MS4A12: variants seen among roughly 807,000 people sequenced by gnomAD.
MS4A12 encodes membrane spanning 4-domains A12.
Under a neutral mutation model 23.7 loss-of-function variants are expected in MS4A12, and 28 were observed. That is an observed-to-expected ratio of 1.18 (90% CI 0.88 to 1.62). MS4A12 has a LOEUF of 1.62. Ranked by LOEUF, MS4A12 falls within the 40% of genes most tolerant of loss-of-function variation. MS4A12 has a pLI of 0.00. For missense variants in MS4A12, 342 were observed against 327.0 expected, an observed-to-expected ratio of 1.05 and a Z score of -0.35; for synonymous variants, 108 against 110.1, an observed-to-expected ratio of 0.98 and a Z score of 0.12.
intron 2 of MS4A12, among the ~76,000 whole-genome samples, chr11:60,499,844 A>G (rs2086516599): frequency 6.6e-6 from 1 of 152,224 alleles, no homozygotes. Context: ...TCAGAAATCT[A>G]TCTTTATTTA....
At chr11:60,496,139 T>A (rs554050009) in intron 1 of MS4A12, among the ~76,000 whole-genome samples, 3 of 152,210 alleles carry the variant, frequency 2.0e-5, no homozygotes, top group African/African-American at 7.2e-5. Flanking sequence ...TTTTCTACCC[T>A]AAAATTTCTG....
At chr11:60,494,894 T>A (rs1229759897) in intron 1 of MS4A12, among the ~76,000 whole-genome samples, 1 of 152,220 alleles carries the variant, frequency 6.6e-6, no homozygotes, top group Non-Finnish European at 1.5e-5. Flanking sequence ...CATTCTCAAA[T>A]GCTATTGAGA....
At chr11:60,504,153 C>G (rs887458943) in intron 5 of MS4A12, among the ~76,000 whole-genome samples, 2 of 152,152 alleles carry the variant, frequency 1.3e-5, no homozygotes, top group South Asian at 2.1e-4. Context: ...GGTAGTCAAG[C>G]TATTGAGTGT....
chr11:60,499,183 G>A (rs922323882), intron 2 of MS4A12, among the ~76,000 whole-genome samples: 1 of 152,220 alleles, frequency 6.6e-6, no homozygotes, highest in African/African-American at 2.4e-5. Context: ...TGGGCATCAT[G>A]ACAGTGCAGG....
intron 4 of MS4A12, among the ~76,000 whole-genome samples, chr11:60,502,561 G>C (rs1026509393): frequency 1.3e-5 from 2 of 152,164 alleles, no homozygotes; most frequent in Non-Finnish European, 2.9e-5. Flanking sequence ...TAAAAATGAT[G>C]AGTAAGACAG....
chr11:60,499,322 G>T (rs2086512903), intron 2 of MS4A12, among the ~76,000 whole-genome samples: 1 of 152,194 alleles, frequency 6.6e-6, no homozygotes, highest in Admixed American at 6.5e-5. Context: ...ATTTTGATCA[G>T]TAGATGGTAC....
chr11:60,502,083 G>A (rs1049485935), intron 4 of MS4A12, 44 bp downstream of exon 4: 13 of 1,537,854 alleles, frequency 8.5e-6, no homozygotes, highest in Admixed American at 7.1e-5. Flanking sequence ...TTAAAGATTA[G>A]CTTAACATAT....
rs368724899 is a variant in MS4A12, at chr11:60,502,340, A to C, written c.471+301A>C. Reference sequence around the variant, plus strand: ...TGGTTCAGTCTGGTCACACTCTATTATGGGAAGTCCAAAGGAGAATCCAGG... The same window carrying C: ...TGGTTCAGTCTGGTCACACTCTATTCTGGGAAGTCCAAAGGAGAATCCAGG... On this transcript the variant is annotated intron_variant, in intron 4 of 6. Coordinates refer to ENST00000016913, the MANE Select transcript of MS4A12 (RefSeq NM_017716.3). Among the ~76,000 whole-genome samples the C allele has an allele frequency of 1.6e-4, 25 of 152,328 alleles. No individual in the cohort carries two copies. The East Asian group carries it at 4.4e-3, about 27-fold the overall frequency.
chr11:60,507,187 G>C lies in MS4A12; in HGVS notation c.*63G>C. ...AAAACTACTTGCAAAAACTTCTTAA[G>C]AAGATGTCTTTTATTGTCTACAATG... On this transcript the variant is annotated 3_prime_UTR_variant, in exon 7 of 7. Transcript: ENST00000016913. 1.5e-6 allele frequency: 2 copies of C among 1,291,170 alleles called. No individual in the cohort carries two copies. Among genetic ancestry groups the C allele is most frequent in the South Asian group, 1.2e-5 (1 of 82,216 alleles). 80.0% of individuals were successfully genotyped at this position (1,291,170 alleles called of 1,614,324 possible).
At chr11:60,505,166 T>C (rs554902568) in intron 5 of MS4A12, among the ~76,000 whole-genome samples, 17 of 152,162 alleles carry the variant, frequency 1.1e-4, no homozygotes, top group African/African-American at 1.7e-4. Context: ...CTCACAATCA[T>C]GGCAGAAGGC....
At chr11:60,494,709 A>G (rs906135763) in intron 1 of MS4A12, among the ~76,000 whole-genome samples, 3 of 152,218 alleles carry the variant, frequency 2.0e-5, no homozygotes, top group Non-Finnish European at 4.4e-5. Flanking sequence ...ACTTTAGACT[A>G]GCCTCCTTAG....
chr11:60,500,703 C>T (rs1309533458), intron 2 of MS4A12, among the ~76,000 whole-genome samples: 1 of 152,246 alleles, frequency 6.6e-6, no homozygotes, highest in Non-Finnish European at 1.5e-5. Flanking sequence ...CAGCTACTGA[C>T]ATCACAGTTA....
At chr11:60,503,842 T>C (rs757007159) in intron 5 of MS4A12, 25 bp downstream of exon 5, 1 of 1,587,016 alleles carries the variant, frequency 6.3e-7, no homozygotes, top group Non-Finnish European at 8.6e-7. Context: ...CTCCACCATG[T>C]GCCTGCTCTA....
chr11:60,494,022 T>A (rs1004245794), intron 1 of MS4A12, among the ~76,000 whole-genome samples: 1 of 152,230 alleles, frequency 6.6e-6, no homozygotes, highest in Non-Finnish European at 1.5e-5. Context: ...TTTTGTCAAC[T>A]GTCAAGAGAA....
intron 5 of MS4A12, 78 bp downstream of exon 5, chr11:60,503,895 C>T: frequency 8.2e-7 from 1 of 1,220,010 alleles, no homozygotes; most frequent in East Asian, 2.3e-5. Context: ...TTTCTTAATA[C>T]CGTATACCAG....
Position 60,506,901 on chromosome 11 carries a change from T to C in MS4A12, c.699+63T>C. 5 of 1,549,404 alleles carry C rather than the reference T, an allele frequency of 3.2e-6. No homozygotes were observed. The South Asian group carries it at 4.5e-5, about 14-fold the overall frequency. On this transcript the variant is annotated intron_variant, in intron 6 of 6. Coordinates refer to ENST00000016913, the MANE Select transcript of MS4A12 (RefSeq NM_017716.3). ...TGCCCTGGAGAAATACAGACTTGTG[T>C]CTGCTAAATCCTACTATCGGCTTAC...
chr11:60,493,090 T>C (rs1019663235), intron 1 of MS4A12: 8 of 152,048 alleles, frequency 5.3e-5, no homozygotes, highest in African/African-American at 1.9e-4. Context: ...AAAAAGCTAA[T>C]GCTCGCTGGG....
At chr11:60,494,701 T>TTTAGATCAAA (rs1485496340) in intron 1 of MS4A12, among the ~76,000 whole-genome samples, 4 of 152,242 alleles carry the variant, frequency 2.6e-5, no homozygotes, top group Admixed American at 2.6e-4. Context: ...TAATTTGAAC[T>TTTAGATCAAA]TTAGACTAGC....
In MS4A12 at chr11:60,501,097, G is replaced by A. The variant is rs151260783; in HGVS notation, c.329G>A (p.Cys110Tyr). The A allele has an allele frequency of 9.7e-4, 1,567 of 1,612,976 alleles. No homozygotes were observed. The highest frequency in any genetic ancestry group is 1.2e-3 in the Non-Finnish European group (1,404 of 1,179,554). The change falls in exon 3 of 7, where the codon TGT (cysteine) becomes TAT (tyrosine). Residue 110 changes from cysteine (C) to tyrosine (Y), a missense_variant. By Grantham distance (194) the Cys-to-Tyr change is radical (BLOSUM62 -2). Coordinates refer to ENST00000016913, the MANE Select transcript of MS4A12 (RefSeq NM_017716.3). ...CACATTGGTTTTGGAATTGTTTTGT[G>A]TTTAATATCCTTCTCTTTTAGAGAA... ...LMHIGFGIVL[C>Y]LISFSFREVL...
Sources: gnomAD v4.1 joint callset for allele counts (sites outside exome capture counted in the v4.1 genomes callset) on GRCh38, gnomAD v4.1.1 for gene constraint, MANE v1.5 for transcripts, NCBI Gene and HGNC (gene_info 2026-07-23, HGNC 2026-07-21) for gene names.